PIK3C2G: variants seen among roughly 807,000 people sequenced by gnomAD.
The protein encoded by PIK3C2G is phosphatidylinositol 3-kinase C2 domain-containing subunit gamma.
Under a neutral mutation model 181.1 loss-of-function variants are expected in PIK3C2G, and 168 were observed. That is an observed-to-expected ratio of 0.93 (90% CI 0.82 to 1.05). The LOEUF (loss-of-function observed/expected upper bound fraction) is 1.05. Ranked by LOEUF, PIK3C2G falls within the 50% of genes least tolerant of loss-of-function variation. PIK3C2G has a pLI of 0.00. For missense variants in PIK3C2G, 1,869 were observed against 1,732.8 expected, an observed-to-expected ratio of 1.08 and a Z score of -1.40; for synonymous variants, 573 against 592.2, an observed-to-expected ratio of 0.97 and a Z score of 0.47.
chr12:18,667,250 C>G, the PIK3C2G span, among the ~76,000 whole-genome samples: 1 of 152,126 alleles, frequency 6.6e-6, no homozygotes, highest in Non-Finnish European at 1.5e-5. Context: ...CTTCTTAGAG[C>G]TATGACAGCA....
intron 24 of PIK3C2G, among the ~76,000 whole-genome samples, chr12:18,527,653 C>G (rs1328442894): frequency 7.0e-6 from 1 of 142,946 alleles, no homozygotes. Context: ...CCTCAAAGAG[C>G]TCTTTCCTCT....
At chr12:18,246,718 A>G (rs372276728), upstream of PIK3C2G, among the ~76,000 whole-genome samples, 1 of 152,138 alleles carries the variant, frequency 6.6e-6, no homozygotes, top group Non-Finnish European at 1.5e-5. Flanking sequence ...TGTGTTTTAG[A>G]AGCCTCAAAT....
At chr12:18,339,596 A>T (rs1424851528) in intron 9 of PIK3C2G, among the ~76,000 whole-genome samples, 4 of 152,160 alleles carry the variant, frequency 2.6e-5, no homozygotes, top group Non-Finnish European at 5.9e-5. Context: ...GCCAATCTTG[A>T]AATTTTCAAA....
chr12:18,540,263 A>T (rs566136885), intron 25 of PIK3C2G, among the ~76,000 whole-genome samples: 1 of 151,996 alleles, frequency 6.6e-6, no homozygotes, highest in East Asian at 1.9e-4. Context: ...AGCATTTCTA[A>T]ATGCCTATAA....
intron 1 of PIK3C2G, among the ~76,000 whole-genome samples, chr12:18,255,256 C>T (rs141835224): frequency 0.11 from 10,844 of 94,632 alleles, 612 homozygotes; most frequent in Admixed American, 0.23. Flanking sequence ...AATAAATAAA[C>T]AAACAAACAA....
chr12:18,266,162 T>G (rs558336869), intron 1 of PIK3C2G, among the ~76,000 whole-genome samples: 1 of 152,004 alleles, frequency 6.6e-6, no homozygotes, highest in Admixed American at 6.6e-5. Flanking sequence ...TCTTAAAACA[T>G]ACTTTTAATT....
At chr12:18,579,568 C>A (rs1255172174) in intron 29 of PIK3C2G, among the ~76,000 whole-genome samples, 1 of 151,816 alleles carries the variant, frequency 6.6e-6, no homozygotes, top group Admixed American at 6.6e-5. Flanking sequence ...TCTCTCTCTC[C>A]CACACACATG....
intron 31 of PIK3C2G, among the ~76,000 whole-genome samples, chr12:18,625,531 C>T (rs193276862): frequency 1.7e-4 from 26 of 151,800 alleles, no homozygotes; most frequent in African/African-American, 3.1e-4. Flanking sequence ...ACATCCATTG[C>T]GTCCTTTTGG....
chr12:18,254,487 T>A (rs931221080), intron 1 of PIK3C2G, among the ~76,000 whole-genome samples: 7 of 152,076 alleles, frequency 4.6e-5, no homozygotes, highest in Admixed American at 3.9e-4. Flanking sequence ...TATTTTATTA[T>A]AATTTTTTAA....
At chr12:18,497,220 A>C (rs2136088274) in intron 21 of PIK3C2G, among the ~76,000 whole-genome samples, 1 of 152,284 alleles carries the variant, frequency 6.6e-6, no homozygotes, top group South Asian at 2.1e-4. Flanking sequence ...TCGGTGCATA[A>C]ATTTATGACA....
At chr12:18,487,031 G>A (rs1163593698) in intron 18 of PIK3C2G, among the ~76,000 whole-genome samples, 1 of 151,028 alleles carries the variant, frequency 6.6e-6, no homozygotes. Context: ...TTCTTAAAAT[G>A]AAAAGAACCA....
chr12:18,575,280 A>T (rs1173501744), intron 29 of PIK3C2G, among the ~76,000 whole-genome samples: 1 of 152,204 alleles, frequency 6.6e-6, no homozygotes, highest in Non-Finnish European at 1.5e-5. Flanking sequence ...TAAGAATGTT[A>T]AATATTGGCC....
the PIK3C2G span, among the ~76,000 whole-genome samples, chr12:18,659,938 C>T: frequency 6.6e-6 from 1 of 152,008 alleles, no homozygotes; most frequent in Admixed American, 6.6e-5. Flanking sequence ...TAGGCTAACT[C>T]AAATTTACAT....
At position 18,570,137 on chromosome 12, in the gene PIK3C2G, C is replaced by T. The variant is rs189803440; in HGVS notation, c.4011+3080C>T. Among the ~76,000 whole-genome samples the T allele has an allele frequency of 2.6e-5, 4 of 152,214 alleles. 1 individual carries two copies. Among genetic ancestry groups the T allele is most frequent in the Admixed American group, 2.0e-4 (3 of 15,286 alleles). On this transcript the variant is annotated intron_variant, in intron 29 of 32. Coordinates refer to ENST00000538779, the MANE Select transcript of PIK3C2G (RefSeq NM_001288772.2). ...TGAATCTTTTGTGGTGATCCATGATCAACGGCTCTTCTCCTTTATTCAGGT... is the reference window on the plus strand; with the variant it reads ...TGAATCTTTTGTGGTGATCCATGATTAACGGCTCTTCTCCTTTATTCAGGT...
intron 30 of PIK3C2G, among the ~76,000 whole-genome samples, chr12:18,605,761 A>G (rs1214630964): frequency 6.6e-6 from 1 of 152,032 alleles, no homozygotes; most frequent in Non-Finnish European, 1.5e-5. Flanking sequence ...GCTATTCACA[A>G]ATGTCCCTCT....
intron 29 of PIK3C2G, among the ~76,000 whole-genome samples, chr12:18,582,476 A>G (rs1946553853): frequency 6.6e-6 from 1 of 152,046 alleles, no homozygotes; most frequent in South Asian, 2.1e-4. Flanking sequence ...ACTAAGACAC[A>G]CGTGAAGCAC....
chr12:18,370,474 A>C (rs1941968456), intron 12 of PIK3C2G, among the ~76,000 whole-genome samples: 1 of 152,084 alleles, frequency 6.6e-6, no homozygotes, highest in African/African-American at 2.4e-5. Flanking sequence ...AATTCCTAGG[A>C]CCTCATCATG....
At chr12:18,595,424 CCT>C (rs1370108039) in intron 30 of PIK3C2G, among the ~76,000 whole-genome samples, 16 of 152,052 alleles carry the variant, frequency 1.1e-4, no homozygotes, top group African/African-American at 3.9e-4. Context: ...TAGTTTACTA[CCT>C]CTGCAAGTTA....
At position 18,489,905 on chromosome 12, in the gene PIK3C2G, T is replaced by G. The variant is rs115561254; in HGVS notation, c.2685+1276T>G. On this transcript the variant is annotated intron_variant, in intron 19 of 32. Transcript: ENST00000538779. The stretch of plus-strand genomic sequence containing the variant: ...AGTACCAGAGTGATATTGACATTAT[T>G]CACTCAGGTAAATATATTTATCTTG... Among the ~76,000 whole-genome samples, 1,004 of 152,268 alleles carry G rather than the reference T, an allele frequency of 6.6e-3. 11 individuals carry two copies. Among genetic ancestry groups the G allele is most frequent in the African/African-American group, 0.023 (974 of 41,558 alleles).
Sources: gnomAD v4.1 joint callset for allele counts (sites outside exome capture counted in the v4.1 genomes callset) on GRCh38, gnomAD v4.1.1 for gene constraint, MANE v1.5 for transcripts, NCBI Gene and HGNC (gene_info 2026-07-23, HGNC 2026-07-21) for gene names.